CAMKMT: variants seen among roughly 807,000 people sequenced by gnomAD.
CAMKMT encodes the protein CaM KMT.
In CAMKMT, 53 loss-of-function variants were observed where a neutral mutation model predicts 48.0. That is an observed-to-expected ratio of 1.10 (90% CI 0.89 to 1.39). The LOEUF is 1.39. Among genes scored for constraint, CAMKMT ranks in the 40% most tolerant of loss-of-function variants. CAMKMT has a pLI of 0.00. For synonymous variants in CAMKMT, 165 were observed against 152.3 expected, an observed-to-expected ratio of 1.08 and a Z score of -0.61; for missense variants, 428 against 402.7, an observed-to-expected ratio of 1.06 and a Z score of -0.54.
intron 1 of CAMKMT, among the ~76,000 whole-genome samples, chr2:44,366,449 C>T (rs1214471695): frequency 6.6e-6 from 1 of 152,042 alleles, no homozygotes; most frequent in South Asian, 2.1e-4. Context: ...CTTACTTTTG[C>T]TTTCTCTTTT....
At chr2:44,384,260 C>T (rs570389406) in intron 2 of CAMKMT, among the ~76,000 whole-genome samples, 1 of 151,980 alleles carries the variant, frequency 6.6e-6, no homozygotes, top group Non-Finnish European at 1.5e-5. Flanking sequence ...ATTTGTTGGC[C>T]ATTTGTATAT....
At chr2:44,581,883 C>T (rs1221974260) in intron 3 of CAMKMT, among the ~76,000 whole-genome samples, 2 of 152,186 alleles carry the variant, frequency 1.3e-5, no homozygotes, top group Non-Finnish European at 2.9e-5. Context: ...CCTGTAGTCC[C>T]AGCTATTTGG....
At chr2:44,636,901 C>T (rs991441561) in intron 3 of CAMKMT, among the ~76,000 whole-genome samples, 1 of 152,110 alleles carries the variant, frequency 6.6e-6, no homozygotes, top group African/African-American at 2.4e-5. Context: ...TTCTCTTGCC[C>T]CACTTTACCT....
chr2:44,445,749 A>G (rs1666959407), intron 3 of CAMKMT, among the ~76,000 whole-genome samples: 1 of 131,606 alleles, frequency 7.6e-6, no homozygotes, highest in Non-Finnish European at 1.6e-5. Context: ...AGGCCTCAGG[A>G]TTTTTGAGTT....
intron 3 of CAMKMT, among the ~76,000 whole-genome samples, chr2:44,403,359 G>A (rs1682560894): frequency 6.6e-6 from 1 of 152,110 alleles, no homozygotes; most frequent in African/African-American, 2.4e-5. Flanking sequence ...ATGCCTTCCA[G>A]TCTGGAGAGA....
chr2:44,584,648 A>G (rs779523512), intron 3 of CAMKMT, among the ~76,000 whole-genome samples: 1 of 152,240 alleles, frequency 6.6e-6, no homozygotes, highest in Non-Finnish European at 1.5e-5. Flanking sequence ...TCTGCTATAC[A>G]TAAAGCATGG....
At chr2:44,724,157 G>A (rs1678644020) in intron 7 of CAMKMT, among the ~76,000 whole-genome samples, 3 of 152,160 alleles carry the variant, frequency 2.0e-5, no homozygotes, top group Non-Finnish European at 1.5e-5. Flanking sequence ...TGTAGTCCCA[G>A]ATACTAGGGA....
chr2:44,627,673 T>TATTTATAA (rs1216626059), intron 3 of CAMKMT, among the ~76,000 whole-genome samples: 1 of 151,076 alleles, frequency 6.6e-6, no homozygotes, highest in Non-Finnish European at 1.5e-5. Context: ...AGCATAAACT[T>TATTTATAA]ATTTATAATG....
rs35422115 is a variant in CAMKMT at position 44,768,342 on chromosome 2, G to GATAT, written c.894+1798_894+1801dup. 6.8e-3 allele frequency among the ~76,000 whole-genome samples: 763 copies of GATAT among 111,408 alleles called. 9 individuals carry two copies. Among genetic ancestry groups the GATAT allele is most frequent in the Middle Eastern group, 0.025 (5 of 198 alleles). 73.1% of individuals were successfully genotyped at this position (111,408 alleles called of 152,430 possible). A position where few individuals can be genotyped will look rare whatever the true frequency, so the allele number is the denominator to read the frequency against. ...ATAAAAGGTATAAACGGGCGCCCAT[G>GATAT]ATATATATATATATATATATTTTTT... On this transcript the variant is annotated intron_variant, in intron 10 of 10. Coordinates refer to ENST00000378494, the MANE Select transcript of CAMKMT (RefSeq NM_024766.5).
At chr2:44,611,215 C>T (rs1033080545) in intron 3 of CAMKMT, among the ~76,000 whole-genome samples, 5 of 151,948 alleles carry the variant, frequency 3.3e-5, no homozygotes, top group African/African-American at 9.7e-5. Flanking sequence ...GTGGATCACC[C>T]GAGGTCAGGA....
chr2:44,668,819 A>C (rs1327207526), intron 3 of CAMKMT, among the ~76,000 whole-genome samples: 5 of 150,962 alleles, frequency 3.3e-5, no homozygotes. Flanking sequence ...TCTCACTCTG[A>C]TGCCCAGGCT....
At chr2:44,447,141 C>T (rs1394692955) in intron 3 of CAMKMT, among the ~76,000 whole-genome samples, 2 of 151,998 alleles carry the variant, frequency 1.3e-5, no homozygotes, top group Non-Finnish European at 2.9e-5. Context: ...CTGTATATTG[C>T]TTTGTGCTTT....
chr2:44,412,787 A>T (rs544184094), intron 3 of CAMKMT, among the ~76,000 whole-genome samples: 5 of 152,094 alleles, frequency 3.3e-5, no homozygotes, highest in African/African-American at 9.6e-5. Flanking sequence ...TAGTTTAAAA[A>T]TAAAGAGGCT....
intron 2 of CAMKMT, among the ~76,000 whole-genome samples, chr2:44,383,985 A>G (rs1157150388): frequency 6.6e-6 from 1 of 152,202 alleles, no homozygotes; most frequent in Non-Finnish European, 1.5e-5. Context: ...CTCTGGGTAG[A>G]TACCAAGTAG....
chr2:44,388,596 T>A (rs754238486), intron 2 of CAMKMT, among the ~76,000 whole-genome samples: 6 of 152,194 alleles, frequency 3.9e-5, no homozygotes, highest in Non-Finnish European at 7.4e-5. Context: ...TTAGTCACAT[T>A]AACAGGGTTG....
chr2:44,451,452 T>G (rs1302556197), intron 3 of CAMKMT, among the ~76,000 whole-genome samples: 2 of 151,980 alleles, frequency 1.3e-5, no homozygotes, highest in African/African-American at 4.8e-5. Flanking sequence ...CTACCTTTAC[T>G]GTCCTAACCT....
At chr2:44,397,530 C>T (rs906046580) in intron 3 of CAMKMT, among the ~76,000 whole-genome samples, 5 of 152,118 alleles carry the variant, frequency 3.3e-5, no homozygotes, top group Admixed American at 1.3e-4. Context: ...TTTCCCTAGC[C>T]ATGTGTCTCC....
chr2:44,769,919 A>G (rs531294281), intron 10 of CAMKMT, among the ~76,000 whole-genome samples: 6 of 152,350 alleles, frequency 3.9e-5, no homozygotes, highest in African/African-American at 1.4e-4. Context: ...TTCACGCCGT[A>G]GTAAGGCTGA....
At chr2:44,372,940 A>C in intron 2 of CAMKMT, 52 bp downstream of exon 2, 1 of 1,443,480 alleles carries the variant, frequency 6.9e-7, no homozygotes, top group South Asian at 1.3e-5. Context: ...CTCTTGGATA[A>C]GAAAAACAAT....
Sources: allele counts gnomAD v4.1 joint callset (sites outside exome capture counted in the v4.1 genomes callset), GRCh38; gene constraint gnomAD v4.1.1; transcripts MANE v1.5; gene names NCBI Gene and HGNC (gene_info 2026-07-23, HGNC 2026-07-21).